The following DCDC2 variants were observed in gnomAD, a reference collection of about 807,000 sequenced individuals.
DCDC2 encodes the protein doublecortin domain-containing protein 2.
DCDC2 carries 40 observed loss-of-function variants against 50.2 expected under a neutral mutation model. The observed-to-expected ratio is 0.80, with a 90% CI of 0.62 to 1.04. DCDC2 has a LOEUF of 1.04. Among genes scored for constraint, DCDC2 ranks in the 50% least tolerant of loss-of-function variants. The probability of loss-of-function intolerance (pLI) is 0.00; values close to 1 mark genes in which losing one functional copy is unlikely to be tolerated. For synonymous variants in DCDC2, 234 were observed against 210.6 expected, an observed-to-expected ratio of 1.11 and a Z score of -0.96; for missense variants, 570 against 581.9, an observed-to-expected ratio of 0.98 and a Z score of 0.21.
chr6:24,242,659 A>C (rs1762589356), intron 7 of DCDC2, among the ~76,000 whole-genome samples: 1 of 152,192 alleles, frequency 6.6e-6, no homozygotes, highest in South Asian at 2.1e-4. Flanking sequence ...ATAAATGCTG[A>C]ATGAAGACAG....
chr6:24,179,546 TCAA>T (rs1267207311), intron 8 of DCDC2, among the ~76,000 whole-genome samples: 2 of 13,876 alleles, frequency 1.4e-4, no homozygotes, highest in African/African-American at 3.1e-4. Context: ...AGACACCATC[TCAA>T]AAAAAAAAAA....
At chr6:24,251,717 G>A (rs976085696) in intron 7 of DCDC2, among the ~76,000 whole-genome samples, 5 of 152,094 alleles carry the variant, frequency 3.3e-5, no homozygotes, top group African/African-American at 9.7e-5. Flanking sequence ...ACCTAGGATG[G>A]ATTTCTTAAG....
At chr6:24,367,908 A>C in the DCDC2 span, among the ~76,000 whole-genome samples, 4 of 152,318 alleles carry the variant, frequency 2.6e-5, no homozygotes, top group Non-Finnish European at 4.4e-5. Context: ...TATTTAAAGA[A>C]AAAAAGCGAT....
intron 7 of DCDC2, among the ~76,000 whole-genome samples, chr6:24,217,420 T>C (rs939331588): frequency 5.9e-5 from 9 of 152,236 alleles, no homozygotes; most frequent in African/African-American, 2.2e-4. Context: ...AATATGTTTC[T>C]ACTATAAGTA....
intron 7 of DCDC2, among the ~76,000 whole-genome samples, chr6:24,254,992 G>A (rs1762873035): frequency 6.6e-6 from 1 of 152,022 alleles, no homozygotes; most frequent in African/African-American, 2.4e-5. Flanking sequence ...GAAATAAAAA[G>A]GACCAGAATA....
At chr6:24,327,205 T>A (rs1260120364) in intron 2 of DCDC2, among the ~76,000 whole-genome samples, 17 of 149,502 alleles carry the variant, frequency 1.1e-4, no homozygotes. Flanking sequence ...CAATTCACAG[T>A]TAAGGAAACT....
the DCDC2 span, among the ~76,000 whole-genome samples, chr6:24,379,340 C>T: frequency 2.0e-5 from 3 of 148,826 alleles, no homozygotes; most frequent in Admixed American, 1.4e-4. Context: ...AACAAATTTA[C>T]AAGAAAAAAA....
rs994303780 is a variant in DCDC2, at chr6:24,327,349, G to A, written c.349-25305C>T. Among the ~76,000 whole-genome samples, 13 of 149,454 alleles carry A rather than the reference G, an allele frequency of 8.7e-5. 1 individual carries two copies. Among genetic ancestry groups the A allele is most frequent in the Admixed American group, 3.3e-4 (5 of 14,948 alleles). The stretch of plus-strand genomic sequence containing the variant: ...TACTTAAAACTAATTTCTGCTAATA[G>A]CTTCAGGGTCTTTAGCAACTGTCAG... On this transcript the variant is annotated intron_variant, in intron 2 of 9. Coordinates refer to ENST00000378454, the MANE Select transcript of DCDC2 (RefSeq NM_016356.5).
intron 2 of DCDC2, among the ~76,000 whole-genome samples, chr6:24,313,816 C>T (rs1759613955): frequency 6.6e-6 from 1 of 152,218 alleles, no homozygotes. Flanking sequence ...ATTAGTTTTT[C>T]ACCCACAATG....
intron 2 of DCDC2, among the ~76,000 whole-genome samples, chr6:24,312,026 T>G (rs373956388): frequency 1.3e-3 from 193 of 152,270 alleles, no homozygotes; most frequent in African/African-American, 4.3e-3. Context: ...TCCACCATTG[T>G]GATTTGTTCC....
chr6:24,183,927 G>T (rs1761137386), intron 8 of DCDC2, among the ~76,000 whole-genome samples: 1 of 152,218 alleles, frequency 6.6e-6, no homozygotes, highest in Non-Finnish European at 1.5e-5. Context: ...TTTGCAGGTA[G>T]TGACAGGTGA....
chr6:24,357,415 A>G, intron 1 of DCDC2, 43 bp downstream of exon 1: 1 of 1,556,852 alleles, frequency 6.4e-7, no homozygotes, highest in South Asian at 1.2e-5. Context: ...ACCCCACACT[A>G]TAGGGCACCT....
chr6:24,248,171 A>C (rs1179222568), intron 7 of DCDC2, among the ~76,000 whole-genome samples: 1 of 152,228 alleles, frequency 6.6e-6, no homozygotes, highest in Non-Finnish European at 1.5e-5. Context: ...GGAATAAAAT[A>C]CCTAAAATTG....
intron 6 of DCDC2, among the ~76,000 whole-genome samples, chr6:24,280,571 C>G (rs1763448806): frequency 6.6e-6 from 1 of 152,062 alleles, no homozygotes; most frequent in Admixed American, 6.6e-5. Context: ...GAATCTCACT[C>G]TGTCATCCAG....
chr6:24,171,924 A>G lies in DCDC2; in HGVS notation c.*2806T>C, dbSNP rs1760788293. 1 of 152,254 alleles carries G rather than the reference A, an allele frequency of 6.6e-6. No homozygotes were observed. The allele number at this position is 152,254 out of a possible 1,614,324, so 9.4% of individuals were successfully genotyped here. Reference sequence around the variant, plus strand: ...GCATCACAAAGAATTAACATATTAAAGCATTATATTGGTTATCACATAAAA... The same window carrying G: ...GCATCACAAAGAATTAACATATTAAGGCATTATATTGGTTATCACATAAAA... On this transcript the variant is annotated 3_prime_UTR_variant, in exon 10 of 10. Transcript: ENST00000378454.
At chr6:24,224,813 C>G (rs1762193652) in intron 7 of DCDC2, among the ~76,000 whole-genome samples, 1 of 152,140 alleles carries the variant, frequency 6.6e-6, no homozygotes. Flanking sequence ...CACTTACCAC[C>G]CAGACTATAC....
chr6:24,236,395 C>T (rs532214380), intron 7 of DCDC2, among the ~76,000 whole-genome samples: 1 of 151,990 alleles, frequency 6.6e-6, no homozygotes, highest in East Asian at 1.9e-4. Context: ...AAGAATTAAC[C>T]CAAAATGATT....
At chr6:24,278,790 T>C (rs1198966673) in intron 6 of DCDC2, among the ~76,000 whole-genome samples, 2 of 152,188 alleles carry the variant, frequency 1.3e-5, no homozygotes, top group Non-Finnish European at 2.9e-5. Flanking sequence ...TATGGGTGTA[T>C]AGATGTCATC....
intron 7 of DCDC2, among the ~76,000 whole-genome samples, chr6:24,256,964 G>A (rs911535466): frequency 6.6e-6 from 1 of 152,100 alleles, no homozygotes; most frequent in Non-Finnish European, 1.5e-5. Context: ...ATTATAACAA[G>A]ATTAATTTTT....
Sources: allele counts gnomAD v4.1 joint callset (sites outside exome capture counted in the v4.1 genomes callset), GRCh38; gene constraint gnomAD v4.1.1; transcripts MANE v1.5; gene names NCBI Gene and HGNC (gene_info 2026-07-23, HGNC 2026-07-21).